TTC28: variants seen among roughly 807,000 people sequenced by gnomAD.
TTC28 encodes tetratricopeptide repeat domain 28.
In TTC28, 61 loss-of-function variants were observed where a neutral mutation model predicts 198.0. The ratio of observed to expected loss-of-function variants is 0.31; its 90% CI spans 0.25 to 0.38. The LOEUF (loss-of-function observed/expected upper bound fraction) is 0.38, where lower values mean the gene tolerates loss of function less well. Among genes scored for constraint, TTC28 ranks in the 10% least tolerant of loss-of-function variants. TTC28 has a pLI of 1.00. For synonymous variants in TTC28, 1,171 were observed against 1,297.8 expected, an observed-to-expected ratio of 0.90 and a Z score of 2.10; for missense variants, 2,678 against 3,164.0, an observed-to-expected ratio of 0.85 and a Z score of 3.69.
At chr22:28,232,654 C>A (rs1025523765) in intron 5 of TTC28, 1 of 152,180 alleles carries the variant, frequency 6.6e-6, no homozygotes, top group Non-Finnish European at 1.5e-5. Flanking sequence ...GAGTGGTACA[C>A]CAGCTAGAAT....
chr22:28,357,456 C>T (rs1362839580), intron 2 of TTC28, among the ~76,000 whole-genome samples: 1 of 151,356 alleles, frequency 6.6e-6, no homozygotes, highest in Non-Finnish European at 1.5e-5. Context: ...GCTAGGACTA[C>T]AGGCATGCTC....
intron 21 of TTC28, among the ~76,000 whole-genome samples, chr22:27,986,916 A>G (rs1181115024): frequency 6.6e-6 from 1 of 152,232 alleles, no homozygotes; most frequent in African/African-American, 2.4e-5. Flanking sequence ...AATAGTATCA[A>G]TGTAATGCTT....
chr22:28,303,023 C>CT (rs1370526438), intron 3 of TTC28, among the ~76,000 whole-genome samples: 1 of 152,198 alleles, frequency 6.6e-6, no homozygotes, highest in Non-Finnish European at 1.5e-5. Context: ...ATCAGCTTCC[C>CT]TGGGTCCCCA....
intron 6 of TTC28, among the ~76,000 whole-genome samples, chr22:28,160,852 GA>G (rs1601404668): frequency 6.6e-6 from 1 of 151,982 alleles, no homozygotes; most frequent in African/African-American, 2.4e-5. Context: ...TTTGTTTTTT[GA>G]AGGGAGCATC....
At chr22:28,440,239 C>A (rs1223427748) in intron 2 of TTC28, among the ~76,000 whole-genome samples, 1 of 151,948 alleles carries the variant, frequency 6.6e-6, no homozygotes, top group Non-Finnish European at 1.5e-5. Flanking sequence ...GGTGGGAGAC[C>A]TATTGCACTC....
chr22:28,185,607 T>C (rs1185948195), intron 5 of TTC28, among the ~76,000 whole-genome samples: 1 of 152,116 alleles, frequency 6.6e-6, no homozygotes, highest in East Asian at 1.9e-4. Context: ...TTTTACAATA[T>C]GTACCACAAA....
At chr22:28,563,414 A>G (rs550577281) in intron 2 of TTC28, among the ~76,000 whole-genome samples, 24 of 152,312 alleles carry the variant, frequency 1.6e-4, no homozygotes, top group African/African-American at 5.5e-4. Context: ...GGCAAAGCAA[A>G]TAAGAACTGC....
In TTC28 at chr22:28,030,263, A is replaced by G. The variant is rs1939021004; in HGVS notation, c.4036T>C (p.Phe1346Leu). ...KLNSVTDPTGFLRMVRRNNLF... is the reference protein window; with the variant it reads ...KLNSVTDPTGLLRMVRRNNLF... ...TTATTGCGGCGAACCATCCGCAGAAAGCCAGTGGGGTCAGTGACCGAGTTG... is the reference window on the plus strand; with the variant it reads ...TTATTGCGGCGAACCATCCGCAGAAGGCCAGTGGGGTCAGTGACCGAGTTG... The change falls in exon 13 of 23, where the codon TTT (phenylalanine) becomes CTT (leucine). Residue 1346 changes from phenylalanine (F) to leucine (L), a missense_variant. Transcript: ENST00000397906. 3 of 1,551,648 alleles carry G rather than the reference A, an allele frequency of 1.9e-6. No homozygotes were observed. Among genetic ancestry groups the G allele is most frequent in the Non-Finnish European group, 2.6e-6 (3 of 1,147,022 alleles).
intron 2 of TTC28, among the ~76,000 whole-genome samples, chr22:28,490,274 G>C (rs758173072): frequency 5.3e-5 from 8 of 152,126 alleles, no homozygotes; most frequent in Non-Finnish European, 8.8e-5. Flanking sequence ...TTACACCAAA[G>C]TGATACAATC....
intron 6 of TTC28, among the ~76,000 whole-genome samples, chr22:28,139,925 C>G (rs865810949): frequency 2.2e-4 from 33 of 152,274 alleles, no homozygotes; most frequent in South Asian, 1.4e-3. Context: ...ACAACACCAA[C>G]TATAGTCACC....
intron 2 of TTC28, among the ~76,000 whole-genome samples, chr22:28,409,354 G>T (rs1555989438): frequency 6.6e-6 from 1 of 152,058 alleles, no homozygotes; most frequent in Non-Finnish European, 1.5e-5. Context: ...CTACAATCCA[G>T]AGCTGACTAT....
At chr22:28,163,886 C>G (rs1601410462) in intron 5 of TTC28, among the ~76,000 whole-genome samples, 1 of 152,218 alleles carries the variant, frequency 6.6e-6, no homozygotes, top group African/African-American at 2.4e-5. Flanking sequence ...AAGGAATTCC[C>G]TTTCCTAGTC....
intron 13 of TTC28, among the ~76,000 whole-genome samples, chr22:28,014,941 G>A (rs1021020943): frequency 6.6e-6 from 1 of 152,252 alleles, no homozygotes; most frequent in Non-Finnish European, 1.5e-5. Context: ...GCTATGACCA[G>A]GCAGCAGCTG....
At chr22:28,038,369 T>C (rs1939453996) in intron 12 of TTC28, among the ~76,000 whole-genome samples, 1 of 152,090 alleles carries the variant, frequency 6.6e-6, no homozygotes. Flanking sequence ...ATGCTACACA[T>C]CTACAACTAT....
chr22:28,377,143 C>A (rs9625462), intron 2 of TTC28, among the ~76,000 whole-genome samples: 1 of 143,442 alleles, frequency 7.0e-6, no homozygotes, highest in African/African-American at 2.6e-5. Flanking sequence ...ATAATAGATT[C>A]TAAAGTAAAA....
intron 1 of TTC28, among the ~76,000 whole-genome samples, chr22:28,651,335 T>C (rs2051560943): frequency 6.6e-6 from 1 of 151,468 alleles, no homozygotes; most frequent in Non-Finnish European, 1.5e-5. Flanking sequence ...AGGGTCTTGC[T>C]GTGTTGCCCA....
intron 2 of TTC28, among the ~76,000 whole-genome samples, chr22:28,369,025 G>A (rs2046289010): frequency 6.6e-6 from 1 of 151,840 alleles, no homozygotes; most frequent in African/African-American, 2.4e-5. Flanking sequence ...ATTCTTCACA[G>A]AAGTAGAAAA....
At chr22:28,260,497 A>T (rs1267210737) in intron 5 of TTC28, among the ~76,000 whole-genome samples, 1 of 152,174 alleles carries the variant, frequency 6.6e-6, no homozygotes, top group Admixed American at 6.6e-5. Context: ...AGTTATTATT[A>T]TAGTACTAAG....
intron 1 of TTC28, among the ~76,000 whole-genome samples, chr22:28,659,011 AC>A (rs1277914704): frequency 3.3e-5 from 5 of 152,046 alleles, no homozygotes; most frequent in Non-Finnish European, 7.4e-5. Flanking sequence ...AAAGAAAAAA[AC>A]AATTGAAGAA....
Sources: gnomAD v4.1 joint callset for allele counts (sites outside exome capture counted in the v4.1 genomes callset) on GRCh38, gnomAD v4.1.1 for gene constraint, MANE v1.5 for transcripts, NCBI Gene and HGNC (gene_info 2026-07-23, HGNC 2026-07-21) for gene names.